NUAK1: variants seen among roughly 807,000 people sequenced by gnomAD.
The protein encoded by NUAK1 is NUAK family kinase 1.
In NUAK1, 26 loss-of-function variants were observed where a neutral mutation model predicts 56.9. The ratio of observed to expected loss-of-function variants is 0.46; its 90% CI spans 0.33 to 0.63. The LOEUF is 0.63. Ranked by LOEUF, NUAK1 falls within the 30% of genes least tolerant of loss-of-function variation. The pLI is 0.02. For synonymous variants in NUAK1, 337 were observed against 336.0 expected, an observed-to-expected ratio of 1.00 and a Z score of -0.03; for missense variants, 727 against 876.1, an observed-to-expected ratio of 0.83 and a Z score of 2.15.
intron 4 of NUAK1, among the ~76,000 whole-genome samples, chr12:106,073,305 A>G (rs990709254): frequency 2.0e-5 from 3 of 152,104 alleles, no homozygotes; most frequent in African/African-American, 7.2e-5. Flanking sequence ...AAAAACCCTG[A>G]CCTACACAAC....
chr12:106,109,531 T>A (rs543424845), intron 1 of NUAK1, among the ~76,000 whole-genome samples: 1 of 147,288 alleles, frequency 6.8e-6, no homozygotes, highest in Non-Finnish European at 1.5e-5. Context: ...AGAATGATTG[T>A]CATATTGTTT....
intron 1 of NUAK1, among the ~76,000 whole-genome samples, chr12:106,119,800 A>G (rs143491072): frequency 6.6e-6 from 1 of 152,340 alleles, no homozygotes; most frequent in Non-Finnish European, 1.5e-5. Context: ...TCCAAAACAC[A>G]GTACAGAGGA....
rs574966611 is a variant in NUAK1 at position 106,108,807 on chromosome 12, T to C, written c.241-2282A>G. Among the ~76,000 whole-genome samples, 9 of 151,892 alleles carry C rather than the reference T, an allele frequency of 5.9e-5. No individual in the cohort carries two copies. In the South Asian group the frequency reaches 1.9e-3, roughly 32 times the overall value. On this transcript the variant is annotated intron_variant, in intron 1 of 6. Coordinates refer to ENST00000261402, the MANE Select transcript of NUAK1 (RefSeq NM_014840.3). ...AGGAGGGTAGCAACATTCTAAAGGG[T>C]AAAAAAATAGGCCCACTTGCTGATT...
rs372716158 is a variant in NUAK1 at position 106,083,528 on chromosome 12, T to C, written c.579+336A>G. On this transcript the variant is annotated intron_variant, in intron 4 of 6. Transcript: ENST00000261402. ...ATTTAAGTGATAGCAGGCAAAAATA[T>C]AAAATACATATGAAATATGTATTGG... Among the ~76,000 whole-genome samples, 12 of 152,332 alleles carry C rather than the reference T, an allele frequency of 7.9e-5. No individual in the cohort carries two copies. In the East Asian group the frequency reaches 1.3e-3, roughly 17 times the overall value.
intron 1 of NUAK1, among the ~76,000 whole-genome samples, chr12:106,136,573 C>T (rs1565930213): frequency 6.6e-6 from 1 of 152,166 alleles, no homozygotes; most frequent in Non-Finnish European, 1.5e-5. Flanking sequence ...GACAAGGGTT[C>T]GTTCGTTAGA....
chr12:106,138,442 C>T lies in NUAK1; in HGVS notation c.212G>A (p.Arg71Gln), dbSNP rs957267584. ...LGKGTYGKVK[R>Q]ATERFSGRVV... The stretch of plus-strand genomic sequence containing the variant: ...TCGGCCAGAAAACCTCTCGGTGGCC[C>T]GCTTGACTTTGCCGTAGGTGCCTTT... Residue 71 changes from arginine to glutamine, a missense_variant, in exon 1 of 7, where the codon CGG becomes CAG. Coordinates refer to ENST00000261402, the MANE Select transcript of NUAK1 (RefSeq NM_014840.3). The surrounding 1 kb of genome is among the most constrained non-coding windows in gnomAD (Gnocchi z 5.0). The T allele has an allele frequency of 2.7e-5, 44 of 1,611,616 alleles. No individual in the cohort carries two copies. The highest frequency in any genetic ancestry group is 3.6e-5 in the Non-Finnish European group (43 of 1,179,344).
chr12:106,081,658 G>T (rs2032519249), intron 4 of NUAK1, among the ~76,000 whole-genome samples: 1 of 152,110 alleles, frequency 6.6e-6, no homozygotes, highest in East Asian at 1.9e-4. Context: ...CTGTTTCCCT[G>T]CACAATTGCT....
At chr12:106,073,906 T>C (rs567182604) in intron 4 of NUAK1, among the ~76,000 whole-genome samples, 3 of 152,298 alleles carry the variant, frequency 2.0e-5, no homozygotes, top group Middle Eastern at 3.4e-3. Context: ...CTTGTTTTCA[T>C]TGTACTCCAC....
intron 1 of NUAK1, among the ~76,000 whole-genome samples, chr12:106,136,028 G>T (rs2033126232): frequency 6.6e-6 from 1 of 152,162 alleles, no homozygotes; most frequent in South Asian, 2.1e-4. Flanking sequence ...GTGCTCAGCA[G>T]GGGGAGGACG....
intron 2 of NUAK1, among the ~76,000 whole-genome samples, chr12:106,096,663 T>C (rs965564533): frequency 1.3e-5 from 2 of 152,324 alleles, no homozygotes; most frequent in South Asian, 4.1e-4. Context: ...GAGTCTCTGA[T>C]GAGGGCAGCA....
intron 2 of NUAK1, among the ~76,000 whole-genome samples, chr12:106,105,354 T>C (rs2136471327): frequency 6.6e-6 from 1 of 152,276 alleles, no homozygotes; most frequent in East Asian, 1.9e-4. Context: ...TAATCAGAAA[T>C]GAATGTCAAA....
At chr12:106,133,192 T>C (rs1197902484) in intron 1 of NUAK1, among the ~76,000 whole-genome samples, 1 of 152,128 alleles carries the variant, frequency 6.6e-6, no homozygotes, top group Non-Finnish European at 1.5e-5. Flanking sequence ...ACCTGGAATA[T>C]TCACCTTCCC....
intron 1 of NUAK1, among the ~76,000 whole-genome samples, chr12:106,136,164 A>G (rs1455358592): frequency 6.6e-6 from 1 of 152,222 alleles, no homozygotes; most frequent in Non-Finnish European, 1.5e-5. Context: ...AGCCCCATGA[A>G]TAAACGAAGC....
Position 106,138,294 on chromosome 12 carries a change from C to A in NUAK1, c.240+120G>T, listed in dbSNP as rs1215597. ...GTGAGGAGTCTGTCTCGGGGCTTCC[C>A]AATGAGCCCCCTCTCTGTCAAGAGA... On this transcript the variant is annotated intron_variant, in intron 1 of 6. Coordinates refer to ENST00000261402, the MANE Select transcript of NUAK1 (RefSeq NM_014840.3). The surrounding 1 kb of genome is among the most constrained non-coding windows in gnomAD (Gnocchi z 5.0). The A allele has an allele frequency of 0.46, 629,997 of 1,356,388 alleles. 150,443 individuals are homozygous for A. Among genetic ancestry groups the A allele is most frequent in the South Asian group, 0.52 (34,079 of 66,150 alleles). 84.0% of individuals were successfully genotyped at this position (1,356,388 alleles called of 1,614,324 possible). A position where few individuals can be genotyped will look rare whatever the true frequency, so the allele number is the denominator to read the frequency against.
intron 1 of NUAK1, among the ~76,000 whole-genome samples, chr12:106,111,538 G>C (rs2032859727): frequency 6.6e-6 from 1 of 152,006 alleles, no homozygotes; most frequent in African/African-American, 2.4e-5. Flanking sequence ...ATATAAGCTG[G>C]ACTTCAAGGA....
rs369273183 is a variant in NUAK1, at chr12:106,084,105, G to C, written c.514-176C>G. 8 of 597,438 alleles carry C rather than the reference G, an allele frequency of 1.3e-5. No individual in the cohort carries two copies. The East Asian group carries it at 2.2e-4, about 17-fold the overall frequency. The allele number at this position is 597,438 out of a possible 1,614,324, so 37.0% of individuals were successfully genotyped here. A position where few individuals can be genotyped will look rare whatever the true frequency, so the allele number is the denominator to read the frequency against. On this transcript the variant is annotated intron_variant, in intron 3 of 6. Transcript: ENST00000261402. ...GCTCTCACTGTCTTGACGCTCCCCCGCCAGCGACCAACCAGCGACAGGAGA... is the reference window on the plus strand; with the variant it reads ...GCTCTCACTGTCTTGACGCTCCCCCCCCAGCGACCAACCAGCGACAGGAGA...
At chr12:106,118,774 C>G (rs1367960305) in intron 1 of NUAK1, among the ~76,000 whole-genome samples, 1 of 152,200 alleles carries the variant, frequency 6.6e-6, no homozygotes, top group African/African-American at 2.4e-5. Flanking sequence ...GCTCTTCTTT[C>G]CCAAAAACTC....
intron 4 of NUAK1, among the ~76,000 whole-genome samples, chr12:106,077,679 C>A (rs533201335): frequency 6.6e-6 from 1 of 152,204 alleles, no homozygotes; most frequent in Non-Finnish European, 1.5e-5. Context: ...ATCTGGCCCA[C>A]GGACCAGCAG....
chr12:106,071,027 C>T, intron 5 of NUAK1, 121 bp from the exon 6 acceptor site: 2 of 1,018,700 alleles, frequency 2.0e-6, no homozygotes, highest in Non-Finnish European at 2.9e-6. Flanking sequence ...CTGAATTTAG[C>T]ACCTGGAAGA....
Sources: allele counts gnomAD v4.1 joint callset (sites outside exome capture counted in the v4.1 genomes callset), GRCh38; gene constraint gnomAD v4.1.1; non-coding constraint Gnocchi (gnomAD v3.1); transcripts MANE v1.5; gene names NCBI Gene and HGNC (gene_info 2026-07-23, HGNC 2026-07-21).